Variants in TENM3 observed in about 807,000 individuals in gnomAD.
TENM3 encodes teneurin transmembrane protein 3, also known as teneurin-3.
In TENM3, 63 loss-of-function variants were observed where a neutral mutation model predicts 255.1. That is an observed-to-expected ratio of 0.25 (90% confidence interval 0.20 to 0.30). The LOEUF (loss-of-function observed/expected upper bound fraction) is 0.30, where lower values mean the gene tolerates loss of function less well. Ranked by LOEUF, TENM3 falls within the 10% of genes least tolerant of loss-of-function variation. The pLI is 1.00. For missense variants in TENM3, 2,929 were observed against 3,461.1 expected (o/e 0.85, Z 3.86); for synonymous variants, 1,306 against 1,322.3 (o/e 0.99, Z 0.27).
the TENM3 span, among the ~76,000 whole-genome samples, chr4:181,978,670 G>GAA: frequency 1.5e-5 from 2 of 134,928 alleles, no homozygotes; most frequent in African/African-American, 5.5e-5. Context: ...GAAAAGAAAA[G>GAA]AAAAAAAAAA....
chr4:182,442,784 A>ATG (rs1772596945), intron 3 of TENM3, among the ~76,000 whole-genome samples: 1 of 147,146 alleles, frequency 6.8e-6, no homozygotes, highest in African/African-American at 2.6e-5. Context: ...GTGTGTGTAC[A>ATG]TATGTGTGTG....
At position 182,465,628 on chromosome 4, in the gene TENM3, C is replaced by T. The variant is rs1561476773; in HGVS notation, c.511+118699C>T. On this transcript the variant is annotated intron_variant, in intron 3 of 27. Coordinates refer to ENST00000511685, the MANE Select transcript of TENM3 (RefSeq NM_001080477.4). ...AAGTCTTAGGGAATTAGAATACTCC[C>T]CCCAGCTATTTATAAAAAAAGTATA... Among the ~76,000 whole-genome samples, 3 of 151,982 alleles carry T rather than the reference C, an allele frequency of 2.0e-5. No individual in the cohort carries two copies. The South Asian group carries it at 6.2e-4, about 32-fold the overall frequency.
the TENM3 span, among the ~76,000 whole-genome samples, chr4:181,479,080 G>A: frequency 6.6e-6 from 1 of 152,156 alleles, no homozygotes; most frequent in East Asian, 1.9e-4. Context: ...TAAATACTTG[G>A]TGTTGTTTGC....
intron 1 of TENM3, among the ~76,000 whole-genome samples, chr4:182,172,633 G>A (rs1038185176): frequency 1.3e-5 from 2 of 152,034 alleles, no homozygotes; most frequent in Non-Finnish European, 2.9e-5. Context: ...CAAGGCATCT[G>A]AAAAACCGAG....
rs776348291 is a variant in TENM3, at chr4:182,688,274, G to T, written c.2144G>T (p.Arg715Leu). 1.1e-5 allele frequency: 18 copies of T among 1,613,766 alleles called. No homozygotes were observed. The highest frequency in any genetic ancestry group is 1.4e-5 in the Non-Finnish European group (17 of 1,179,852). Residue 715 changes from arginine to leucine, a missense_variant, in exon 12 of 28, where the codon CGC becomes CTC. Transcript: ENST00000511685. ...TGTAATCAGAGAGCCTGCCACCCCC[G>T]CTGTGCCGAGCACGGGACCTGCAAG... ...PACNQRACHP[R>L]CAEHGTCKDG... is the part of the protein sequence containing the mutation.
chr4:182,463,124 A>G (rs974954142), intron 3 of TENM3, among the ~76,000 whole-genome samples: 10 of 152,160 alleles, frequency 6.6e-5, no homozygotes, highest in Non-Finnish European at 1.5e-4. Flanking sequence ...AGCTGGTTCA[A>G]GCCTGTGTTG....
At position 182,743,340 on chromosome 4, in the gene TENM3, G is replaced by A; in HGVS notation, c.3550G>A (p.Gly1184Ser). The change falls in exon 19 of 28, where the codon GGC becomes AGC. Residue 1184 changes from glycine (G) to serine (S), a missense_variant. Gly to Ser is a moderately conservative substitution (Grantham distance 56). This residue lies in a region of TENM3 where 1,608 missense variants were observed against 1,884.4 expected (regional missense o/e 0.85). Transcript: ENST00000511685. ...AGTGGCGCTAGCTTGTGGGATCGAT[G>A]GCAGTCTGTACGTAGGCGATTTCAA... ...APVALACGID[G>S]SLYVGDFNYV... is the part of the protein sequence containing the mutation. The A allele has an allele frequency of 6.2e-7, 1 of 1,614,006 alleles. No homozygotes were observed. Among genetic ancestry groups the A allele is most frequent in the South Asian group, 1.1e-5 (1 of 91,084 alleles).
chr4:181,598,232 C>T, the TENM3 span, among the ~76,000 whole-genome samples: 1 of 152,208 alleles, frequency 6.6e-6, no homozygotes, highest in African/African-American at 2.4e-5. Flanking sequence ...CAAAATTCAA[C>T]AAACTGCTAA....
At chr4:181,617,761 C>G in the TENM3 span, among the ~76,000 whole-genome samples, 1 of 152,164 alleles carries the variant, frequency 6.6e-6, no homozygotes, top group African/African-American at 2.4e-5. Context: ...TCTCCTTATG[C>G]CCTGAGTTGT....
chr4:182,754,790 T>G lies in TENM3; in HGVS notation c.4423T>G (p.Ser1475Ala). 1.2e-6 allele frequency: 2 copies of G among 1,614,000 alleles called. No individual in the cohort carries two copies. The highest frequency in any genetic ancestry group is 1.7e-6 in the Non-Finnish European group (2 of 1,179,896). Reference sequence around the variant, plus strand: ...CAAGGATGCCAAACTCAGTGCCCCATCCTCCCTGGCTGCTTCTCCAGATGG... The same window carrying G: ...CAAGGATGCCAAACTCAGTGCCCCAGCCTCCCTGGCTGCTTCTCCAGATGG... The part of the protein sequence containing the change: ...YAKDAKLSAP[S>A]SLAASPDGTL... Residue 1475 changes from serine to alanine, a missense_variant, in exon 22 of 28, where the codon TCC becomes GCC. Transcript: ENST00000511685. This position sits in a 1 kb window ranked among gnomAD's most constrained non-coding sequence, Gnocchi z 5.1.
At chr4:182,075,703 C>T in the TENM3 span, among the ~76,000 whole-genome samples, 4 of 152,118 alleles carry the variant, frequency 2.6e-5, no homozygotes, top group Non-Finnish European at 5.9e-5. Flanking sequence ...GGACAAGAGC[C>T]ATCAACATCT....
chr4:182,111,518 C>T, the TENM3 span, among the ~76,000 whole-genome samples: 6 of 152,184 alleles, frequency 3.9e-5, no homozygotes, highest in South Asian at 2.1e-4. Context: ...TTCAAGAAAG[C>T]GGCGAAAGTG....
intron 22 of TENM3, chr4:182,772,563 T>C (rs966982361): frequency 3.3e-5 from 5 of 151,008 alleles, no homozygotes; most frequent in Non-Finnish European, 4.4e-5. Flanking sequence ...TTTTTTTTTT[T>C]CTTTCTTCAG....
intron 4 of TENM3, 151 bp from the exon 5 acceptor site, chr4:182,628,500 T>G (rs145151456): frequency 3.3e-6 from 2 of 605,484 alleles, no homozygotes; most frequent in African/African-American, 3.7e-5. Flanking sequence ...AAACATTTCC[T>G]TAATTTTTAA....
Position 182,409,022 on chromosome 4 carries a change from TA to T in TENM3, c.511+62095del, listed in dbSNP as rs1769782153. ...CAAACATGGCAAGCAGAGTTTCAGATAACTAAAAATTGCTCCATCCATGCTG... is the reference window on the plus strand; with the variant it reads ...CAAACATGGCAAGCAGAGTTTCAGATACTAAAAATTGCTCCATCCATGCTG... On this transcript the variant is annotated intron_variant, in intron 3 of 27. Transcript: ENST00000511685. Among the ~76,000 whole-genome samples the T allele has an allele frequency of 2.6e-5, 4 of 152,160 alleles. 1 individual carries two copies. Among genetic ancestry groups the T allele is most frequent in the Admixed American group, 2.6e-4 (4 of 15,286 alleles).
At chr4:181,864,996 A>C in the TENM3 span, among the ~76,000 whole-genome samples, 3 of 152,322 alleles carry the variant, frequency 2.0e-5, no homozygotes, top group South Asian at 6.2e-4. Flanking sequence ...CACCCTTACA[A>C]AGTAATACAA....
chr4:181,524,761 G>A, the TENM3 span, among the ~76,000 whole-genome samples: 1 of 152,130 alleles, frequency 6.6e-6, no homozygotes, highest in African/African-American at 2.4e-5. Flanking sequence ...TGGTTTACCA[G>A]GTAGGGGGTA....
chr4:182,635,337 G>T (rs952617650), intron 5 of TENM3, among the ~76,000 whole-genome samples: 1 of 152,132 alleles, frequency 6.6e-6, no homozygotes, highest in Admixed American at 6.5e-5. Context: ...GGTGTTTAGT[G>T]TTACATGTCC....
At chr4:181,504,996 C>T in the TENM3 span, among the ~76,000 whole-genome samples, 1 of 152,176 alleles carries the variant, frequency 6.6e-6, no homozygotes, top group Admixed American at 6.5e-5. Context: ...TGATTCGACT[C>T]CACAAAAAGC....
Sources: allele counts gnomAD v4.1 joint callset (sites outside exome capture counted in the v4.1 genomes callset), GRCh38; gene constraint gnomAD v4.1.1; regional missense constraint gnomAD v4.1.1; non-coding constraint Gnocchi (gnomAD v3.1); transcripts MANE v1.5; gene names NCBI Gene and HGNC (gene_info 2026-07-23, HGNC 2026-07-21).